The following LRMDA variants were observed in gnomAD, a reference collection of about 807,000 sequenced individuals.
LRMDA encodes leucine rich melanocyte differentiation associated, also known as leucine-rich melanocyte differentiation-associated protein.
LRMDA carries 18 observed loss-of-function variants against 29.8 expected under a neutral mutation model. The observed-to-expected ratio is 0.60, with a 90% CI of 0.42 to 0.90. The LOEUF (loss-of-function observed/expected upper bound fraction) is 0.90. Among genes scored for constraint, LRMDA ranks in the 40% least tolerant of loss-of-function variants. LRMDA has a pLI of 0.00. For synonymous variants in LRMDA, 125 were observed against 109.4 expected (o/e 1.14, Z -0.89); for missense variants, 273 against 273.9 (o/e 1.00, Z 0.02).
At chr10:75,628,756 C>T (rs1042722633) in intron 2 of LRMDA, among the ~76,000 whole-genome samples, 2 of 152,178 alleles carry the variant, frequency 1.3e-5, no homozygotes, top group African/African-American at 4.8e-5. Flanking sequence ...AGACCTCCAG[C>T]ATAGTCACCC....
chr10:75,469,539 T>G (rs1844700756), intron 2 of LRMDA, among the ~76,000 whole-genome samples: 1 of 152,010 alleles, frequency 6.6e-6, no homozygotes. Context: ...TCAGCTAAGG[T>G]GGGTGTGCAA....
intron 5 of LRMDA, among the ~76,000 whole-genome samples, chr10:76,251,646 G>A (rs1428847252): frequency 6.6e-6 from 1 of 152,182 alleles, no homozygotes; most frequent in African/African-American, 2.4e-5. Context: ...GTCCTCCAGA[G>A]CCATTTCCCA....
chr10:75,881,489 C>G (rs1845292309), intron 2 of LRMDA, among the ~76,000 whole-genome samples: 1 of 152,186 alleles, frequency 6.6e-6, no homozygotes, highest in Admixed American at 6.5e-5. Flanking sequence ...AATCTCTCCC[C>G]CCCACTACCC....
At chr10:75,525,993 TTA>T (rs796869007) in intron 2 of LRMDA, among the ~76,000 whole-genome samples, 51 of 151,946 alleles carry the variant, frequency 3.4e-4, no homozygotes, top group African/African-American at 1.2e-3. Context: ...TCATAGTGCT[TTA>T]TGTTTTCTAT....
At chr10:76,247,758 A>G (rs1852401868) in intron 5 of LRMDA, among the ~76,000 whole-genome samples, 1 of 151,390 alleles carries the variant, frequency 6.6e-6, no homozygotes, top group Admixed American at 6.6e-5. Context: ...GTTAGCAAAC[A>G]TGATGTATCA....
intron 5 of LRMDA, among the ~76,000 whole-genome samples, chr10:76,205,789 G>A (rs946498317): frequency 1.3e-5 from 2 of 151,974 alleles, no homozygotes; most frequent in Non-Finnish European, 2.9e-5. Flanking sequence ...AGAGATGCTG[G>A]GCCTTCCTGT....
chr10:76,101,529 G>A (rs990119163), intron 5 of LRMDA, among the ~76,000 whole-genome samples: 2 of 152,164 alleles, frequency 1.3e-5, no homozygotes, highest in Admixed American at 6.5e-5. Flanking sequence ...TTGAGGCCAG[G>A]AGTTTGAGAA....
intron 2 of LRMDA, among the ~76,000 whole-genome samples, chr10:75,972,205 C>T (rs1469650382): frequency 6.6e-6 from 1 of 151,832 alleles, no homozygotes; most frequent in Non-Finnish European, 1.5e-5. Flanking sequence ...TAAGAATTAG[C>T]ATCTGAATTC....
At chr10:76,421,029 G>A (rs1348068695) in intron 6 of LRMDA, among the ~76,000 whole-genome samples, 1 of 152,064 alleles carries the variant, frequency 6.6e-6, no homozygotes, top group African/African-American at 2.4e-5. Context: ...ATACATGTGC[G>A]TATGATCAAG....
At chr10:75,900,780 C>G (rs1382095070) in intron 2 of LRMDA, among the ~76,000 whole-genome samples, 3 of 152,126 alleles carry the variant, frequency 2.0e-5, no homozygotes. Flanking sequence ...ATGCCCACCC[C>G]CCCACCTTTC....
At chr10:76,030,545 C>T (rs531938994) in intron 2 of LRMDA, among the ~76,000 whole-genome samples, 10 of 152,278 alleles carry the variant, frequency 6.6e-5, no homozygotes, top group African/African-American at 2.2e-4. Flanking sequence ...AATCCCAGCA[C>T]TTTGGGAGGC....
intron 6 of LRMDA, among the ~76,000 whole-genome samples, chr10:76,475,369 A>G (rs938412111): frequency 6.6e-6 from 1 of 151,246 alleles, no homozygotes; most frequent in East Asian, 1.9e-4. Context: ...TTAAGAAAAG[A>G]TGAATACAGG....
At chr10:76,065,690 G>C (rs1472808221) in intron 5 of LRMDA, among the ~76,000 whole-genome samples, 1 of 152,240 alleles carries the variant, frequency 6.6e-6, no homozygotes, top group Non-Finnish European at 1.5e-5. Context: ...CAACAACTGG[G>C]AGAAGTGTGG....
At chr10:75,889,247 C>T (rs137963485) in intron 2 of LRMDA, among the ~76,000 whole-genome samples, 235 of 152,234 alleles carry the variant, frequency 1.5e-3, no homozygotes, top group African/African-American at 4.9e-3. Flanking sequence ...CAAGCATGTG[C>T]GAAGGATAAA....
chr10:75,870,867 G>A (rs530618765), intron 2 of LRMDA, among the ~76,000 whole-genome samples: 1 of 152,114 alleles, frequency 6.6e-6, no homozygotes, highest in East Asian at 1.9e-4. Flanking sequence ...CCCACTTTCC[G>A]GGGCATCATC....
intron 2 of LRMDA, among the ~76,000 whole-genome samples, chr10:75,940,417 AGT>A (rs1846369704): frequency 6.6e-6 from 1 of 152,098 alleles, no homozygotes; most frequent in African/African-American, 2.4e-5. Context: ...GGACAGCTGA[AGT>A]GCCCTGGACC....
intron 2 of LRMDA, among the ~76,000 whole-genome samples, chr10:75,594,089 A>G (rs1350313769): frequency 6.6e-6 from 1 of 152,052 alleles, no homozygotes; most frequent in African/African-American, 2.4e-5. Context: ...GGCCATGGAA[A>G]CCTGGCCACT....
chr10:76,281,384 T>C (rs1230796525), intron 5 of LRMDA, among the ~76,000 whole-genome samples: 1 of 152,194 alleles, frequency 6.6e-6, no homozygotes, highest in Non-Finnish European at 1.5e-5. Flanking sequence ...TTGTTAAAGA[T>C]AGACTGGGAC....
intron 6 of LRMDA, among the ~76,000 whole-genome samples, chr10:76,347,243 T>A (rs899430575): frequency 6.6e-6 from 1 of 152,224 alleles, no homozygotes; most frequent in Non-Finnish European, 1.5e-5. Context: ...TAAAACCTTG[T>A]ATCTCTATTT....
Sources: gnomAD v4.1 joint callset for allele counts (sites outside exome capture counted in the v4.1 genomes callset) on GRCh38, gnomAD v4.1.1 for gene constraint, MANE v1.5 for transcripts, NCBI Gene and HGNC (gene_info 2026-07-23, HGNC 2026-07-21) for gene names.